ANAPC10: variants seen among roughly 807,000 people sequenced by gnomAD.
ANAPC10 encodes the protein anaphase-promoting complex subunit 10.
Under a neutral mutation model 22.0 loss-of-function variants are expected in ANAPC10, and 12 were observed. The ratio of observed to expected loss-of-function variants is 0.55; its 90% confidence interval spans 0.35 to 0.88. The LOEUF is 0.88. Ranked by LOEUF, ANAPC10 falls within the 40% of genes least tolerant of loss-of-function variation. ANAPC10 has a pLI of 0.01. For missense variants in ANAPC10, 188 were observed against 220.9 expected (o/e 0.85, Z 0.94); for synonymous variants, 65 against 69.5 (o/e 0.94, Z 0.32).
At chr4:144,999,582 G>C (rs1732182168) in intron 4 of ANAPC10, among the ~76,000 whole-genome samples, 1 of 152,196 alleles carries the variant, frequency 6.6e-6, no homozygotes, top group African/African-American at 2.4e-5. Flanking sequence ...AACATTCCAT[G>C]CTCATGGATA....
At chr4:145,026,404 T>C (rs761038413) in intron 4 of ANAPC10, among the ~76,000 whole-genome samples, 8 of 151,692 alleles carry the variant, frequency 5.3e-5, no homozygotes, top group Non-Finnish European at 7.4e-5. Context: ...CATATAAGTA[T>C]AAAAAGTGCA....
intron 4 of ANAPC10, among the ~76,000 whole-genome samples, chr4:145,050,026 A>G (rs1379506567): frequency 6.6e-6 from 1 of 152,242 alleles, no homozygotes; most frequent in East Asian, 1.9e-4. Context: ...TGAATCACAA[A>G]TATTCTCAGT....
At chr4:145,095,125 T>A (rs372540570) in intron 2 of ANAPC10, among the ~76,000 whole-genome samples, 8 of 152,158 alleles carry the variant, frequency 5.3e-5, no homozygotes, top group East Asian at 1.9e-4. Context: ...AAAAATTCAG[T>A]GCATTAGAAT....
intron 3 of ANAPC10, among the ~76,000 whole-genome samples, chr4:145,070,264 A>G (rs1477570247): frequency 6.6e-6 from 1 of 152,246 alleles, no homozygotes; most frequent in Non-Finnish European, 1.5e-5. Context: ...GAGCTTTAAT[A>G]CTACAATGGC....
intron 4 of ANAPC10, among the ~76,000 whole-genome samples, chr4:145,059,733 T>C (rs1742605499): frequency 2.6e-5 from 4 of 152,020 alleles, no homozygotes; most frequent in Admixed American, 2.6e-4. Context: ...CAACAATAAC[T>C]AGTTAGCAAA....
intron 4 of ANAPC10, among the ~76,000 whole-genome samples, chr4:145,057,202 T>C (rs938505594): frequency 1.3e-5 from 2 of 152,190 alleles, no homozygotes; most frequent in African/African-American, 4.8e-5. Flanking sequence ...TATTAAATCA[T>C]TTCATTAGTC....
At chr4:145,034,543 A>ATATATATATATATATGTGTGTGTG (rs4029448) in intron 4 of ANAPC10, among the ~76,000 whole-genome samples, 1 of 133,884 alleles carries the variant, frequency 7.5e-6, no homozygotes. Flanking sequence ...ATATATATAT[A>ATATATATATATATATGTGTGTGTG]TGTGTGTGTG....
At chr4:145,095,035 A>G (rs1013631707) in intron 2 of ANAPC10, among the ~76,000 whole-genome samples, 1 of 152,190 alleles carries the variant, frequency 6.6e-6, no homozygotes, top group African/African-American at 2.4e-5. Context: ...ATAGAGGAGG[A>G]AAAGAGAAGA....
At chr4:145,009,125 C>T (rs1005021551) in intron 4 of ANAPC10, among the ~76,000 whole-genome samples, 2 of 152,080 alleles carry the variant, frequency 1.3e-5, no homozygotes, top group African/African-American at 4.8e-5. Context: ...ATACAACTTA[C>T]AAGGGATGTG....
intron 4 of ANAPC10, among the ~76,000 whole-genome samples, chr4:145,040,665 G>C (rs1301819322): frequency 6.6e-6 from 1 of 152,124 alleles, no homozygotes; most frequent in African/African-American, 2.4e-5. Flanking sequence ...TAGTGACCTA[G>C]CTAGCCAGGA....
intron 3 of ANAPC10, among the ~76,000 whole-genome samples, chr4:145,073,076 T>G (rs1162466343): frequency 2.0e-5 from 3 of 152,200 alleles, no homozygotes; most frequent in African/African-American, 7.2e-5. Flanking sequence ...AAGTTTTTTA[T>G]AGAGACAGAA....
intron 4 of ANAPC10, chr4:145,033,200 T>A (rs1179380838): frequency 6.6e-6 from 1 of 152,238 alleles, no homozygotes; most frequent in Non-Finnish European, 1.5e-5. Flanking sequence ...CAATATATGG[T>A]ACAGTTTCTC....
intron 4 of ANAPC10, among the ~76,000 whole-genome samples, chr4:145,017,078 A>G (rs1487571500): frequency 6.6e-6 from 1 of 152,226 alleles, no homozygotes. Context: ...CTTCATGTCT[A>G]AAACACCAAA....
chr4:144,997,907 C>CA (rs560379582), intron 4 of ANAPC10, among the ~76,000 whole-genome samples: 13 of 151,188 alleles, frequency 8.6e-5, no homozygotes, highest in Admixed American at 5.9e-4. Flanking sequence ...AAATGGAAAA[C>CA]AAAAAAAACC....
chr4:145,084,232 T>C (rs1435720847), intron 2 of ANAPC10, among the ~76,000 whole-genome samples: 2 of 152,252 alleles, frequency 1.3e-5, no homozygotes, highest in Admixed American at 6.5e-5. Context: ...TTGTGCATAC[T>C]AGTGGATAAA....
chr4:145,018,674 C>G (rs1735573380), intron 4 of ANAPC10, among the ~76,000 whole-genome samples: 1 of 151,418 alleles, frequency 6.6e-6, no homozygotes, highest in African/African-American at 2.4e-5. Flanking sequence ...AAAATTTCAC[C>G]AACCAATTGT....
chr4:145,026,024 G>A (rs1196234874), intron 4 of ANAPC10, among the ~76,000 whole-genome samples: 2 of 152,130 alleles, frequency 1.3e-5, no homozygotes, highest in African/African-American at 4.8e-5. Flanking sequence ...AAAGCGAACT[G>A]TACAACTGGA....
intron 4 of ANAPC10, among the ~76,000 whole-genome samples, chr4:145,043,185 CAA>C (rs937388833): frequency 1.3e-5 from 2 of 148,248 alleles, no homozygotes; most frequent in East Asian, 3.9e-4. Flanking sequence ...AGTGTTAATA[CAA>C]AAAAAAGAGG....
intron 4 of ANAPC10, chr4:145,053,578 T>A (rs1280287103): frequency 2.4e-6 from 1 of 425,030 alleles, no homozygotes; most frequent in African/African-American, 2.0e-5. Context: ...TACCATCAAC[T>A]ATAATTTCAA....
Sources: allele counts gnomAD v4.1 joint callset (sites outside exome capture counted in the v4.1 genomes callset), GRCh38; gene constraint gnomAD v4.1.1; transcripts MANE v1.5; gene names NCBI Gene and HGNC (gene_info 2026-07-23, HGNC 2026-07-21).